Variants in NEK1 observed in about 807,000 individuals in gnomAD.
NEK1 encodes the protein NIMA related kinase 1, also known as serine/threonine-protein kinase Nek1.
A neutral mutation model predicts 182.1 loss-of-function variants in NEK1; 137 were observed. The observed-to-expected ratio is 0.75, with a 90% CI of 0.65 to 0.87. The LOEUF is 0.87. NEK1 is among the 40% of genes least tolerant of loss of function. The pLI, the probability that NEK1 is intolerant of heterozygous loss-of-function variation, is 0.00. For missense variants in NEK1, 1,391 were observed against 1,494.4 expected (o/e 0.93, Z 1.14); for synonymous variants, 513 against 492.2 (o/e 1.04, Z -0.56).
At chr4:169,568,153 G>A (rs34551530) in intron 12 of NEK1, among the ~76,000 whole-genome samples, 3,639 of 152,180 alleles carry the variant, frequency 0.024, 62 homozygotes, top group Non-Finnish European at 0.035. Flanking sequence ...AAGGCAACTC[G>A]CTTCTACAAG....
At chr4:169,506,005 T>C (rs534845522) in intron 23 of NEK1, among the ~76,000 whole-genome samples, 2 of 151,770 alleles carry the variant, frequency 1.3e-5, no homozygotes, top group East Asian at 3.9e-4. Flanking sequence ...TGTTTCTGTA[T>C]AAAAACTATT....
chr4:169,501,587 T>C (rs1044293956), intron 23 of NEK1, among the ~76,000 whole-genome samples: 1 of 152,004 alleles, frequency 6.6e-6, no homozygotes, highest in Non-Finnish European at 1.5e-5. Flanking sequence ...TAGAAATCAA[T>C]ACCAAGAGGA....
At chr4:169,501,327 T>C (rs1752386452) in intron 23 of NEK1, among the ~76,000 whole-genome samples, 1 of 152,198 alleles carries the variant, frequency 6.6e-6, no homozygotes, top group Admixed American at 6.5e-5. Flanking sequence ...AACACCCCAC[T>C]GATAGCATTA....
chr4:169,555,969 A>C lies in NEK1; in HGVS notation c.1393T>G (p.Trp465Gly). 6.2e-7 allele frequency: 1 copy of C among 1,613,700 alleles called. No homozygotes were observed. The highest frequency in any genetic ancestry group is 1.6e-4 in the Middle Eastern group (1 of 6,062). The change falls in exon 17 of 36, where the codon TGG becomes GGG. Residue 465 changes from tryptophan (W) to glycine (G), a missense_variant. Coordinates refer to ENST00000507142, the MANE Select transcript of NEK1 (RefSeq NM_001199397.3). Reference sequence around the variant, plus strand: ...CCTCGACCATATATTTCTCTTTTCCATTTAGCTTCATTATCTTCTGCTCTT... The same window carrying C: ...CCTCGACCATATATTTCTCTTTTCCCTTTAGCTTCATTATCTTCTGCTCTT... ...QQRAEDNEAK[W>G]KREIYGRGLP...
Position 169,463,304 on chromosome 4 carries a change from T to C in NEK1, c.2526A>G (p.Ile842Met). Residue 842 changes from isoleucine to methionine, a missense_variant, in exon 27 of 36, where the codon ATA (isoleucine) becomes ATG (methionine). Physicochemically the swap from Ile to Met is conservative, Grantham distance 10. Around this residue, in one of 5 missense-constraint regions of NEK1, gnomAD observed 1,216 missense variants for 1,277.6 expected, o/e 0.95. Coordinates refer to ENST00000507142, the MANE Select transcript of NEK1 (RefSeq NM_001199397.3). ...GKSPTDSVLK[I>M]LGEAELQLQT... ...GAAGTTGTAGTTCAGCTTCTCCAAG[T>C]ATCTTTAGAACAGAATCTGTCGGAC... is the stretch of plus-strand genomic sequence containing the variant. 6.2e-7 allele frequency: 1 copy of C among 1,605,264 alleles called. No homozygotes were observed. Among genetic ancestry groups the C allele is most frequent in the Non-Finnish European group, 8.5e-7 (1 of 1,175,312 alleles).
At chr4:169,548,095 C>A (rs573770684) in intron 18 of NEK1, among the ~76,000 whole-genome samples, 1 of 152,300 alleles carries the variant, frequency 6.6e-6, no homozygotes, top group Non-Finnish European at 1.5e-5. Context: ...TGGTTTCTCC[C>A]CATCTTTGTG....
At chr4:169,555,157 G>A (rs7341002) in intron 18 of NEK1, 11,346 of 153,970 alleles carry the variant, frequency 0.074, 1,376 homozygotes, top group African/African-American at 0.26. Flanking sequence ...GTATATAAAC[G>A]TTAATTTATA....
At chr4:169,420,665 G>A (rs1387275764) in intron 31 of NEK1, among the ~76,000 whole-genome samples, 4 of 152,136 alleles carry the variant, frequency 2.6e-5, no homozygotes, top group African/African-American at 9.7e-5. Context: ...AGGTTTTTAT[G>A]ACATATGTGA....
At position 169,601,924 on chromosome 4, in the gene NEK1, G is replaced by A. The variant is rs1770561159; in HGVS notation, c.214+84C>T. 3 of 925,850 alleles carry A rather than the reference G, an allele frequency of 3.2e-6. No individual in the cohort carries two copies. In the Admixed American group the frequency reaches 5.6e-5, roughly 17 times the overall value. The allele number at this position is 925,850 out of a possible 1,614,324, so 57.4% of individuals were successfully genotyped here. ...TATGCGTATGTTTTTAAGCAAAAAT[G>A]GTATCTTTTTCCTAAGAATGCATTC... On this transcript the variant is annotated intron_variant, in intron 4 of 35. Transcript: ENST00000507142.
intron 31 of NEK1, among the ~76,000 whole-genome samples, chr4:169,409,392 T>C (rs1045724515): frequency 1.5e-4 from 23 of 151,860 alleles, no homozygotes; most frequent in African/African-American, 5.6e-4. Flanking sequence ...GATCTGCCCG[T>C]CTTGGCCTCC....
intron 2 of NEK1, among the ~76,000 whole-genome samples, chr4:169,604,848 C>G (rs1248091853): frequency 1.3e-5 from 2 of 152,054 alleles, no homozygotes; most frequent in African/African-American, 4.8e-5. Flanking sequence ...TTAAGAGAAA[C>G]AAGAAATAAA....
chr4:169,517,076 T>C (rs1286570560), intron 19 of NEK1, among the ~76,000 whole-genome samples: 1 of 1,804 alleles, frequency 5.5e-4, no homozygotes, highest in Non-Finnish European at 7.9e-4. Context: ...TGGCATTGAA[T>C]CTGTAAATTA....
intron 23 of NEK1, among the ~76,000 whole-genome samples, chr4:169,485,757 T>A (rs904472235): frequency 2.6e-5 from 4 of 152,150 alleles, no homozygotes; most frequent in African/African-American, 9.7e-5. Flanking sequence ...GGCTCACACC[T>A]ATAATCCCAG....
intron 31 of NEK1, among the ~76,000 whole-genome samples, chr4:169,410,872 CT>C (rs1733550489): frequency 6.6e-6 from 1 of 152,240 alleles, no homozygotes; most frequent in African/African-American, 2.4e-5. Context: ...CTCTCCATCC[CT>C]TATTCACTAT....
intron 27 of NEK1, among the ~76,000 whole-genome samples, chr4:169,447,008 G>A (rs970466368): frequency 7.9e-5 from 12 of 152,178 alleles, no homozygotes; most frequent in South Asian, 2.1e-4. Context: ...TAGAGAGACC[G>A]GGGTACAAAG....
chr4:169,460,660 G>T (rs1245114098), intron 27 of NEK1, among the ~76,000 whole-genome samples: 1 of 152,006 alleles, frequency 6.6e-6, no homozygotes, highest in Non-Finnish European at 1.5e-5. Context: ...AAAATGATTG[G>T]ACTTTAAGTA....
At chr4:169,605,407 A>C (rs1400971486) in intron 2 of NEK1, among the ~76,000 whole-genome samples, 1 of 152,250 alleles carries the variant, frequency 6.6e-6, no homozygotes, top group Non-Finnish European at 1.5e-5. Context: ...CTTGTGGTAG[A>C]TGACTTTCAG....
At chr4:169,572,132 C>T (rs1764966855) in intron 12 of NEK1, among the ~76,000 whole-genome samples, 1 of 152,036 alleles carries the variant, frequency 6.6e-6, no homozygotes, top group East Asian at 1.9e-4. Flanking sequence ...ATAAAAGGAA[C>T]ATTTGGGCTG....
chr4:169,549,240 G>A (rs867325226), intron 18 of NEK1, among the ~76,000 whole-genome samples: 2 of 152,116 alleles, frequency 1.3e-5, no homozygotes, highest in Non-Finnish European at 2.9e-5. Flanking sequence ...GTGTTCCTGG[G>A]TGAGGTGACA....
Sources: allele counts gnomAD v4.1 joint callset (sites outside exome capture counted in the v4.1 genomes callset), GRCh38; gene constraint gnomAD v4.1.1; regional missense constraint gnomAD v4.1.1; transcripts MANE v1.5; gene names NCBI Gene and HGNC (gene_info 2026-07-23, HGNC 2026-07-21).